OCA2: variants seen among roughly 807,000 people sequenced by gnomAD.
The protein encoded by OCA2 is P protein.
OCA2 carries 77 observed loss-of-function variants against 100.2 expected under a neutral mutation model. The observed-to-expected ratio is 0.77, with a 90% confidence interval of 0.64 to 0.93. OCA2 has a LOEUF of 0.93. Ranked by LOEUF, OCA2 falls within the 40% of genes least tolerant of loss-of-function variation. OCA2 has a pLI of 0.00. For missense variants in OCA2, 1,062 were observed against 1,089.1 expected (o/e 0.98, Z 0.35); for synonymous variants, 432 against 439.2 (o/e 0.98, Z 0.21).
At chr15:27,993,115 C>T (rs551050599) in intron 9 of OCA2, among the ~76,000 whole-genome samples, 1 of 152,162 alleles carries the variant, frequency 6.6e-6, no homozygotes, top group Admixed American at 6.6e-5. Context: ...CAGAGCGAGA[C>T]CCCGTCTCAA....
intron 13 of OCA2, among the ~76,000 whole-genome samples, chr15:27,984,482 A>G (rs935129027): frequency 6.6e-6 from 1 of 152,182 alleles, no homozygotes; most frequent in African/African-American, 2.4e-5. Context: ...ACCTCAGCAG[A>G]TGGTGATGGA....
the OCA2 span, among the ~76,000 whole-genome samples, chr15:27,719,365 C>T: frequency 6.6e-6 from 1 of 152,182 alleles, no homozygotes; most frequent in South Asian, 2.1e-4. Context: ...TAGGACTCTA[C>T]ACTTAACCCT....
chr15:27,999,012 A>G (rs1048244176), intron 9 of OCA2, among the ~76,000 whole-genome samples: 1 of 151,930 alleles, frequency 6.6e-6, no homozygotes, highest in Non-Finnish European at 1.5e-5. Flanking sequence ...GAACACATGG[A>G]CACAGGAAGG....
intron 18 of OCA2, among the ~76,000 whole-genome samples, chr15:27,937,802 A>G (rs1452192425): frequency 2.0e-5 from 3 of 152,062 alleles, no homozygotes; most frequent in Admixed American, 6.5e-5. Context: ...TTTATATTTT[A>G]GATATAATTT....
intron 23 of OCA2, among the ~76,000 whole-genome samples, chr15:27,824,489 T>C (rs1241298264): frequency 6.6e-6 from 1 of 151,294 alleles, no homozygotes. Context: ...GATCTGCTGA[T>C]ATAAAGGGAG....
intron 21 of OCA2, among the ~76,000 whole-genome samples, chr15:27,867,760 T>C (rs1487086578): frequency 2.0e-5 from 3 of 152,248 alleles, no homozygotes; most frequent in Non-Finnish European, 2.9e-5. Flanking sequence ...GACATGCTTA[T>C]GTATGTTAAT....
intron 23 of OCA2, among the ~76,000 whole-genome samples, chr15:27,809,618 C>T (rs942213115): frequency 6.6e-6 from 1 of 152,162 alleles, no homozygotes. Flanking sequence ...ACCTAGAAAA[C>T]CCTAAAGACT....
chr15:27,781,492 A>AT (rs1202620937), intron 23 of OCA2, among the ~76,000 whole-genome samples: 1 of 152,066 alleles, frequency 6.6e-6, no homozygotes, highest in African/African-American at 2.4e-5. Context: ...GGTTGAAATA[A>AT]TTTTTTCCCA....
chr15:27,872,083 A>G (rs1403818695), intron 19 of OCA2, among the ~76,000 whole-genome samples, 161 bp from the exon 20 acceptor site: 1 of 152,212 alleles, frequency 6.6e-6, no homozygotes, highest in Non-Finnish European at 1.5e-5. Context: ...TAAATAATTT[A>G]CTATCATATA....
intron 22 of OCA2, among the ~76,000 whole-genome samples, chr15:27,847,007 C>A (rs1470833929): frequency 6.6e-6 from 1 of 152,078 alleles, no homozygotes; most frequent in Non-Finnish European, 1.5e-5. Flanking sequence ...GTGGGTGACA[C>A]CAGAGGGGCT....
intron 19 of OCA2, among the ~76,000 whole-genome samples, chr15:27,892,456 A>G (rs2037502343): frequency 6.6e-6 from 1 of 152,226 alleles, no homozygotes; most frequent in Non-Finnish European, 1.5e-5. Flanking sequence ...ACTTCTAAAT[A>G]GTCTATGGGT....
Position 28,032,136 on chromosome 15 carries a change from G to C in OCA2, c.255C>G (p.Ser85=), listed in dbSNP as rs906044928. The change falls in exon 3 of 24, where the codon TCC becomes TCG. Residue 85 remains serine, a synonymous_variant. Transcript: ENST00000354638. ...GRSHSSLPQM[S]SSRSKDSCFT... Reference sequence around the variant, plus strand: ...AGCAGGAATCTTTAGACCTGGAGCTGGACATCTGGGGCAAAGAAGAGTGAG... The same window carrying C: ...AGCAGGAATCTTTAGACCTGGAGCTCGACATCTGGGGCAAAGAAGAGTGAG... 8 of 1,613,736 alleles carry C rather than the reference G, an allele frequency of 5.0e-6. No homozygotes were observed. The African/African-American group carries it at 1.1e-4, about 22-fold the overall frequency.
Position 27,913,901 on chromosome 15 carries a change from AAGCAAGCAAGCAAGC to A in OCA2, c.2079+12211_2079+12225del, listed in dbSNP as rs1567098779. ...AAAGAAAGAAAGAAAGAAAGCAAGC[AAGCAAGCAAGCAAGC>A]AAGCAAGCAAGCAAGAAAGAAAGAA... On this transcript the variant is annotated intron_variant, in intron 19 of 23. Coordinates refer to ENST00000354638, the MANE Select transcript of OCA2 (RefSeq NM_000275.3). 2.4e-3 allele frequency among the ~76,000 whole-genome samples: 85 copies of A among 34,826 alleles called. 16 individuals carry two copies. The highest frequency in any genetic ancestry group is 0.048 in the Middle Eastern group (2 of 42). The allele number at this position is 34,826 out of a possible 152,430, so 22.8% of individuals were successfully genotyped here. A position where few individuals can be genotyped will look rare whatever the true frequency, so the allele number is the denominator to read the frequency against.
chr15:27,762,856 ACCTGTTATTAAG>A (rs2030954755), intron 23 of OCA2, among the ~76,000 whole-genome samples: 1 of 152,238 alleles, frequency 6.6e-6, no homozygotes, highest in Non-Finnish European at 1.5e-5. Context: ...TAACACATGT[ACCTGTTATTAAG>A]CTCCTGCTTA....
intron 9 of OCA2, among the ~76,000 whole-genome samples, chr15:27,998,264 C>T (rs1352314263): frequency 1.2e-5 from 1 of 86,808 alleles, no homozygotes; most frequent in African/African-American, 2.7e-5. Context: ...AACAGGCAAC[C>T]TATAGAATGG....
chr15:27,953,903 C>T (rs1050267006), intron 17 of OCA2, among the ~76,000 whole-genome samples: 3 of 151,898 alleles, frequency 2.0e-5, no homozygotes, highest in African/African-American at 7.3e-5. Context: ...TTTTATCCCT[C>T]GCCCCACTCC....
chr15:28,017,165 C>T (rs2042423604), intron 7 of OCA2, among the ~76,000 whole-genome samples: 1 of 152,166 alleles, frequency 6.6e-6, no homozygotes, highest in Non-Finnish European at 1.5e-5. Context: ...AGCAAAGAAG[C>T]ACACGCATGA....
intron 18 of OCA2, 135 bp from the exon 19 acceptor site, chr15:27,926,389 T>C: frequency 3.2e-6 from 3 of 941,196 alleles, no homozygotes; most frequent in South Asian, 1.4e-5. Flanking sequence ...AAAATGCATA[T>C]AATTTCTATT....
intron 19 of OCA2, among the ~76,000 whole-genome samples, chr15:27,910,947 C>T (rs1284512756): frequency 6.6e-6 from 1 of 150,564 alleles, no homozygotes; most frequent in Non-Finnish European, 1.5e-5. Flanking sequence ...CAGAGTGAGA[C>T]TCCATCTAAA....
Sources: gnomAD v4.1 joint callset for allele counts (sites outside exome capture counted in the v4.1 genomes callset) on GRCh38, gnomAD v4.1.1 for gene constraint, MANE v1.5 for transcripts, NCBI Gene and HGNC (gene_info 2026-07-23, HGNC 2026-07-21) for gene names.